KIF6: variants seen among roughly 807,000 people sequenced by gnomAD.
The protein encoded by KIF6 is kinesin-like protein KIF6.
KIF6 carries 106 observed loss-of-function variants against 112.7 expected under a neutral mutation model. That is an observed-to-expected ratio of 0.94 (90% CI 0.80 to 1.11). KIF6 has a LOEUF of 1.11. Among genes scored for constraint, KIF6 ranks in the 50% least tolerant of loss-of-function variants. KIF6 has a pLI of 0.00. For synonymous variants in KIF6, 339 were observed against 339.9 expected, an observed-to-expected ratio of 1.00 and a Z score of 0.03; for missense variants, 929 against 964.0, an observed-to-expected ratio of 0.96 and a Z score of 0.48.
intron 15 of KIF6, among the ~76,000 whole-genome samples, chr6:39,406,378 T>C (rs540017718): frequency 3.9e-5 from 6 of 152,348 alleles, no homozygotes; most frequent in African/African-American, 1.4e-4. Flanking sequence ...TGGCTAGATG[T>C]TTATCAATGT....
chr6:39,502,615 A>G (rs1776197883), intron 13 of KIF6, among the ~76,000 whole-genome samples: 1 of 152,226 alleles, frequency 6.6e-6, no homozygotes, highest in Non-Finnish European at 1.5e-5. Flanking sequence ...ACATGCAAAG[A>G]CACATGCAGG....
At chr6:39,573,732 C>A (rs1008519611) in intron 10 of KIF6, among the ~76,000 whole-genome samples, 1 of 152,116 alleles carries the variant, frequency 6.6e-6, no homozygotes, top group South Asian at 2.1e-4. Flanking sequence ...GATTCCTGAG[C>A]CCAAAAGTAA....
chr6:39,387,172 C>T (rs1321282953), intron 15 of KIF6, among the ~76,000 whole-genome samples: 1 of 152,030 alleles, frequency 6.6e-6, no homozygotes, highest in African/African-American at 2.4e-5. Flanking sequence ...CGAGCTATTC[C>T]ATTAAGTTAT....
At chr6:39,418,773 C>T (rs746066676) in intron 15 of KIF6, among the ~76,000 whole-genome samples, 6 of 152,088 alleles carry the variant, frequency 3.9e-5, no homozygotes, top group Non-Finnish European at 5.9e-5. Flanking sequence ...CTGTGGGGCT[C>T]CTGTTTACCG....
At chr6:39,675,481 G>A (rs548010256) in intron 3 of KIF6, among the ~76,000 whole-genome samples, 2 of 152,224 alleles carry the variant, frequency 1.3e-5, no homozygotes, top group South Asian at 4.1e-4. Flanking sequence ...TAGCCCTGAA[G>A]TAGCAGGCAG....
chr6:39,398,148 G>T (rs1581763656), intron 15 of KIF6, among the ~76,000 whole-genome samples: 1 of 152,288 alleles, frequency 6.6e-6, no homozygotes, highest in South Asian at 2.1e-4. Context: ...AAAAATATTT[G>T]TAGGGACTTT....
At position 39,596,098 on chromosome 6, in the gene KIF6, T is replaced by G. The variant is rs372620767; in HGVS notation, c.802A>C (p.Thr268Pro). The change falls in exon 7 of 23, where the codon ACA becomes CCA. Residue 268 changes from threonine to proline, a missense_variant. Physicochemically the swap from Thr to Pro is conservative, Grantham distance 38. This residue lies in a region of KIF6 where 688 missense variants were observed against 662.7 expected (regional missense o/e 1.04). Transcript: ENST00000287152. ...GACAAGTTGATATACTTGGCCTCTGTTAGAAGATGGCCCCCTACTCCAGTC... is the reference window on the plus strand; with the variant it reads ...GACAAGTTGATATACTTGGCCTCTGGTAGAAGATGGCCCCCTACTCCAGTC... ...AKTGVGGHLL[T>P]EAKYINLSLH... The G allele has an allele frequency of 1.2e-5, 19 of 1,613,948 alleles. No individual in the cohort carries two copies. The highest frequency in any genetic ancestry group is 1.5e-5 in the Non-Finnish European group (18 of 1,179,978).
At chr6:39,635,779 G>A (rs569462889) in intron 4 of KIF6, among the ~76,000 whole-genome samples, 138 of 152,118 alleles carry the variant, frequency 9.1e-4, no homozygotes, top group African/African-American at 3.2e-3. Context: ...TTCAACTCTT[G>A]AGAAAGTTCA....
chr6:39,385,507 C>T (rs987820616), intron 16 of KIF6, 115 bp downstream of exon 16: 7 of 848,772 alleles, frequency 8.2e-6, no homozygotes, highest in Non-Finnish European at 1.4e-5. Flanking sequence ...CCCTTGCCAT[C>T]CTTAACCTCA....
chr6:39,380,554 C>T (rs182970458), intron 16 of KIF6, among the ~76,000 whole-genome samples: 16 of 152,156 alleles, frequency 1.1e-4, no homozygotes, highest in East Asian at 9.7e-4. Context: ...CACATGCACG[C>T]GCACACACAC....
intron 13 of KIF6, among the ~76,000 whole-genome samples, chr6:39,467,584 C>G: frequency 6.6e-6 from 1 of 151,958 alleles, no homozygotes; most frequent in Non-Finnish European, 1.5e-5. Context: ...CTCTGAGGAA[C>G]AAAATCATAG....
intron 13 of KIF6, among the ~76,000 whole-genome samples, chr6:39,533,520 G>C (rs1778209976): frequency 6.6e-6 from 1 of 152,238 alleles, no homozygotes; most frequent in African/African-American, 2.4e-5. Context: ...AGCTTGAACT[G>C]GGTGGAGCCC....
chr6:39,575,911 GTC>G (rs1780942807), intron 10 of KIF6, among the ~76,000 whole-genome samples: 1 of 152,272 alleles, frequency 6.6e-6, no homozygotes, highest in South Asian at 2.1e-4. Context: ...ATTCCTTGAA[GTC>G]TCTAGACCAT....
intron 13 of KIF6, among the ~76,000 whole-genome samples, chr6:39,463,709 T>A (rs1218573486): frequency 6.6e-6 from 1 of 152,218 alleles, no homozygotes; most frequent in Non-Finnish European, 1.5e-5. Context: ...ACATTTTTCA[T>A]ATCAACACAT....
At chr6:39,664,588 A>G (rs1786350434) in intron 3 of KIF6, among the ~76,000 whole-genome samples, 2 of 152,202 alleles carry the variant, frequency 1.3e-5, no homozygotes, top group Non-Finnish European at 2.9e-5. Flanking sequence ...ACTGGGTGGG[A>G]GCAAGATTTA....
chr6:39,502,476 T>C (rs555592891), intron 13 of KIF6, among the ~76,000 whole-genome samples: 1 of 152,070 alleles, frequency 6.6e-6, no homozygotes, highest in African/African-American at 2.4e-5. Flanking sequence ...GATGACAGGA[T>C]CAAATCCACA....
At position 39,342,915 on chromosome 6, in the gene KIF6, C is replaced by A; in HGVS notation, c.2428+794G>T. 1 of 985,404 alleles carries A rather than the reference C, an allele frequency of 1.0e-6. No individual in the cohort carries two copies. The highest frequency in any genetic ancestry group is 4.7e-5 in the South Asian group (1 of 21,282). The allele number at this position is 985,404 out of a possible 1,614,324, so 61.0% of individuals were successfully genotyped here. On this transcript the variant is annotated intron_variant, in intron 22 of 22. Transcript: ENST00000287152. This position sits in a 1 kb window ranked among gnomAD's most constrained non-coding sequence, Gnocchi z 4.7. ...AGGGCAGGCATCAGTCATTATACATCGAATCTGCCAGCCCATACCATCACG... is the reference window on the plus strand; with the variant it reads ...AGGGCAGGCATCAGTCATTATACATAGAATCTGCCAGCCCATACCATCACG...
intron 13 of KIF6, among the ~76,000 whole-genome samples, chr6:39,468,528 G>A (rs565115026): frequency 6.6e-6 from 1 of 152,258 alleles, no homozygotes; most frequent in East Asian, 1.9e-4. Context: ...GACGTTTAAT[G>A]AGACATGATG....
Position 39,377,296 on chromosome 6 carries a change from A to G in KIF6, c.1861+8326T>C, listed in dbSNP as rs542537727. 2.9e-4 allele frequency among the ~76,000 whole-genome samples: 44 copies of G among 152,030 alleles called. 1 individual carries two copies. The South Asian group carries it at 8.9e-3, about 31-fold the overall frequency. ...ACTGCTGGCCTCAAGCGATTCTCCT[A>G]CCTTGGCCTCCCAAAGTGCTGAGAT... On this transcript the variant is annotated intron_variant, in intron 16 of 22. Transcript: ENST00000287152.
Sources: gnomAD v4.1 joint callset for allele counts (sites outside exome capture counted in the v4.1 genomes callset) on GRCh38, gnomAD v4.1.1 for gene constraint, gnomAD v4.1.1 regional missense constraint, Gnocchi (gnomAD v3.1) non-coding constraint, MANE v1.5 for transcripts, NCBI Gene and HGNC (gene_info 2026-07-23, HGNC 2026-07-21) for gene names.